The following ZDHHC20 variants were observed in gnomAD, a reference collection of about 807,000 sequenced individuals.
The protein encoded by ZDHHC20 is palmitoyltransferase ZDHHC20.
ZDHHC20 carries 43 observed loss-of-function variants against 57.8 expected under a neutral mutation model. The observed-to-expected ratio is 0.74, with a 90% CI of 0.58 to 0.96. ZDHHC20 has a LOEUF of 0.96. ZDHHC20 is among the 40% of genes least tolerant of loss of function. ZDHHC20 has a pLI of 0.00. For synonymous variants in ZDHHC20, 157 were observed against 153.0 expected (o/e 1.03, Z -0.19); for missense variants, 391 against 441.1 (o/e 0.89, Z 1.02).
At chr13:21,380,777 C>T (rs1215732196) in intron 11 of ZDHHC20, among the ~76,000 whole-genome samples, 2 of 146,564 alleles carry the variant, frequency 1.4e-5, no homozygotes, top group African/African-American at 2.6e-5. Flanking sequence ...GGTGACAGAG[C>T]GAAATTCCAT....
Position 21,386,694 on chromosome 13 carries a change from G to A in ZDHHC20, c.854+814C>T, listed in dbSNP as rs149074077. Among the ~76,000 whole-genome samples, 485 of 152,216 alleles carry A rather than the reference G, an allele frequency of 3.2e-3. 2 individuals are homozygous for A. The highest frequency in any genetic ancestry group is 0.011 in the African/African-American group (472 of 41,528). On this transcript the variant is annotated intron_variant, in intron 9 of 12. Coordinates refer to ENST00000400590, the MANE Select transcript of ZDHHC20 (RefSeq NM_001330059.2). ...CTCCCGAGTAGCTGGGACTACAGGT[G>A]TGCGCCACCACACCCAGTTAATTTT...
At chr13:21,394,672 A>C (rs554466187) in intron 7 of ZDHHC20, among the ~76,000 whole-genome samples, 1 of 152,340 alleles carries the variant, frequency 6.6e-6, no homozygotes, top group African/African-American at 2.4e-5. Context: ...ACATTGCTGA[A>C]TTTTCTGATA....
At chr13:21,403,264 A>C (rs1337279531) in intron 4 of ZDHHC20, among the ~76,000 whole-genome samples, 2 of 150,998 alleles carry the variant, frequency 1.3e-5, no homozygotes, top group Non-Finnish European at 2.9e-5. Context: ...ATCCTGTGGG[A>C]TTGTTTTTGA....
In ZDHHC20 at chr13:21,391,705, T is replaced by C; in HGVS notation, c.727+17A>G. 6.3e-7 allele frequency: 1 copy of C among 1,589,334 alleles called. No homozygotes were observed. The highest frequency in any genetic ancestry group is 8.5e-7 in the Non-Finnish European group (1 of 1,173,000). ...GTCATTGTCCTAAGTAATTATAATT[T>C]ATTTTAACCTACTTACCTATTGTTG... On this transcript the variant is annotated intron_variant, in intron 8 of 12. Coordinates refer to ENST00000400590, the MANE Select transcript of ZDHHC20 (RefSeq NM_001330059.2).
At chr13:21,457,947 A>G (rs1198947087) in intron 1 of ZDHHC20, among the ~76,000 whole-genome samples, 12 of 152,236 alleles carry the variant, frequency 7.9e-5, no homozygotes, top group Admixed American at 5.9e-4. Flanking sequence ...TGGAATAACA[A>G]TAACGTTTAC....
chr13:21,439,960 A>G (rs1882952755), intron 1 of ZDHHC20, among the ~76,000 whole-genome samples: 1 of 151,164 alleles, frequency 6.6e-6, no homozygotes, highest in Non-Finnish European at 1.5e-5. Context: ...CCAGCTACTC[A>G]ACAGGCCGAG....
intron 7 of ZDHHC20, among the ~76,000 whole-genome samples, chr13:21,395,491 CT>C: frequency 7.4e-6 from 1 of 134,380 alleles, no homozygotes; most frequent in Middle Eastern, 3.9e-3. Context: ...TTCTTCTTTT[CT>C]TTTCTTTTTT....
chr13:21,411,874 GCC>G (rs1879262910), intron 4 of ZDHHC20, among the ~76,000 whole-genome samples: 1 of 152,164 alleles, frequency 6.6e-6, no homozygotes, highest in Non-Finnish European at 1.5e-5. Flanking sequence ...CAGACTTTTG[GCC>G]CCTCCCCCAA....
chr13:21,396,556 G>T (rs2137765862), intron 7 of ZDHHC20, among the ~76,000 whole-genome samples: 1 of 152,320 alleles, frequency 6.6e-6, no homozygotes, highest in South Asian at 2.1e-4. Flanking sequence ...ATGTGGGTCA[G>T]GCATGGTGGC....
chr13:21,435,483 T>C (rs752555813), intron 1 of ZDHHC20, among the ~76,000 whole-genome samples: 1 of 152,218 alleles, frequency 6.6e-6, no homozygotes, highest in East Asian at 1.9e-4. Context: ...AGAAACAAGA[T>C]GGAAACTGGC....
At chr13:21,416,345 C>T (rs937671250) in intron 3 of ZDHHC20, among the ~76,000 whole-genome samples, 2 of 151,802 alleles carry the variant, frequency 1.3e-5, no homozygotes, top group Non-Finnish European at 2.9e-5. Flanking sequence ...TGAATTAGTA[C>T]TACAAGTTTG....
Position 21,375,075 on chromosome 13 carries a change from A to G in ZDHHC20, c.*1621T>C, listed in dbSNP as rs966199327. ...ATTGAACCTGGAAGGCAGAGGTTGC[A>G]GCGAGCCAAGATCCCGCCACTGCAC... On this transcript the variant is annotated 3_prime_UTR_variant, in exon 13 of 13. Coordinates refer to ENST00000400590, the MANE Select transcript of ZDHHC20 (RefSeq NM_001330059.2). 2 of 453,730 alleles carry G rather than the reference A, an allele frequency of 4.4e-6. No individual in the cohort carries two copies. The highest frequency in any genetic ancestry group is 2.4e-5 in the Admixed American group (1 of 42,418). 28.1% of individuals were successfully genotyped at this position (453,730 alleles called of 1,614,324 possible).
At chr13:21,406,951 C>T (rs562439511) in intron 4 of ZDHHC20, among the ~76,000 whole-genome samples, 23 of 152,220 alleles carry the variant, frequency 1.5e-4, no homozygotes, top group South Asian at 6.2e-4. Context: ...CTTGAGGAAT[C>T]GCCGCGCTGT....
chr13:21,447,209 G>A (rs1220252096), intron 1 of ZDHHC20, among the ~76,000 whole-genome samples: 1 of 139,074 alleles, frequency 7.2e-6, no homozygotes, highest in African/African-American at 2.7e-5. Context: ...TGCGGGCTGT[G>A]AGAGAGGGAG....
chr13:21,452,442 T>G (rs1449322947), intron 1 of ZDHHC20, among the ~76,000 whole-genome samples: 1 of 152,146 alleles, frequency 6.6e-6, no homozygotes, highest in Non-Finnish European at 1.5e-5. Flanking sequence ...TCAGTCCAGC[T>G]GACTTGCACT....
intron 5 of ZDHHC20, among the ~76,000 whole-genome samples, chr13:21,402,088 T>C (rs955381954): frequency 1.3e-5 from 2 of 152,094 alleles, no homozygotes; most frequent in African/African-American, 4.8e-5. Context: ...AAAATTCAGA[T>C]CTGGTACACA....
At chr13:21,451,718 G>A (rs1441887922) in intron 1 of ZDHHC20, among the ~76,000 whole-genome samples, 4 of 152,038 alleles carry the variant, frequency 2.6e-5, no homozygotes, top group South Asian at 2.1e-4. Flanking sequence ...GGCCGGGCAC[G>A]GTGGCTCAAA....
chr13:21,458,835 G>T (rs979546185), intron 1 of ZDHHC20, among the ~76,000 whole-genome samples: 18 of 152,192 alleles, frequency 1.2e-4, no homozygotes, highest in Non-Finnish European at 2.2e-4. Flanking sequence ...CCGGGAAGCC[G>T]CCGCAAGGCT....
Position 21,400,492 on chromosome 13 carries a change from C to G in ZDHHC20, c.475G>C (p.Val159Leu), listed in dbSNP as rs1384161704. Residue 159 changes from valine to leucine, a missense_variant and splice_region_variant, in exon 7 of 13, where the codon GTG becomes CTG. By Grantham distance (32) the Val-to-Leu change is conservative. Transcript: ENST00000400590. ...TTAGAAAATCCCACACAGTTATTCACCCTGGAAAAATAAAGAAAGCCACAT... is the reference window on the plus strand; with the variant it reads ...TTAGAAAATCCCACACAGTTATTCAGCCTGGAAAAATAAAGAAAGCCACAT... ...ILKMDHHCPW[V>L]NNCVGFSNYK... 1 of 1,539,428 alleles carries G rather than the reference C, an allele frequency of 6.5e-7. No homozygotes were observed. Among genetic ancestry groups the G allele is most frequent in the Non-Finnish European group, 8.7e-7 (1 of 1,145,446 alleles).
Sources: gnomAD v4.1 joint callset for allele counts (sites outside exome capture counted in the v4.1 genomes callset) on GRCh38, gnomAD v4.1.1 for gene constraint, MANE v1.5 for transcripts, NCBI Gene and HGNC (gene_info 2026-07-23, HGNC 2026-07-21) for gene names.